The following CACNA1C variants were observed in gnomAD, a reference collection of about 807,000 sequenced individuals.
CACNA1C encodes voltage-dependent L-type calcium channel subunit alpha-1C.
A neutral mutation model predicts 229.0 loss-of-function variants in CACNA1C; 30 were observed. That is an observed-to-expected ratio of 0.13 (90% CI 0.10 to 0.18). The LOEUF is 0.18. Ranked by LOEUF, CACNA1C falls within the 10% of genes least tolerant of loss-of-function variation. CACNA1C has a pLI of 1.00. For missense variants in CACNA1C, 1,658 were observed against 2,845.0 expected (o/e 0.58, Z 9.49); for synonymous variants, 1,114 against 1,132.5 (o/e 0.98, Z 0.33).
At chr12:2,264,577 G>C (rs1455578298) in intron 3 of CACNA1C, among the ~76,000 whole-genome samples, 1 of 152,202 alleles carries the variant, frequency 6.6e-6, no homozygotes. Context: ...GTGGCTCAGA[G>C]ATGGCTGTGT....
At chr12:2,249,831 C>T (rs1317534151) in intron 3 of CACNA1C, among the ~76,000 whole-genome samples, 2 of 147,324 alleles carry the variant, frequency 1.4e-5, no homozygotes, top group African/African-American at 2.5e-5. Context: ...AGTGCAGTGG[C>T]GCGATCCTGG....
Position 2,412,909 on chromosome 12 carries a change from A to G in CACNA1C, c.478-36067A>G, listed in dbSNP as rs546827511. Among the ~76,000 whole-genome samples the G allele has an allele frequency of 9.2e-5, 14 of 152,364 alleles. 1 individual carries two copies. The South Asian group carries it at 2.7e-3, about 29-fold the overall frequency. On this transcript the variant is annotated intron_variant, in intron 3 of 46. Transcript: ENST00000399655. Reference sequence around the variant, plus strand: ...TGAGAAAAGACTCTGAAAAGCATGCAACTCTGTCCAAGCCTAACAATTCAA... The same window carrying G: ...TGAGAAAAGACTCTGAAAAGCATGCGACTCTGTCCAAGCCTAACAATTCAA...
intron 8 of CACNA1C, among the ~76,000 whole-genome samples, chr12:2,508,138 A>G (rs1568113928): frequency 6.6e-6 from 1 of 152,260 alleles, no homozygotes; most frequent in Non-Finnish European, 1.5e-5. Context: ...CAAAGCCACT[A>G]ACTGAATAGC....
intron 37 of CACNA1C, 76 bp from the exon 38 acceptor site, chr12:2,668,857 C>G (rs981734308): frequency 2.3e-5 from 22 of 936,990 alleles, no homozygotes; most frequent in Non-Finnish European, 1.8e-5. Flanking sequence ...CAAACCATAT[C>G]ACTCTGCCAC....
chr12:2,682,205 TA>T (rs1416379112), intron 42 of CACNA1C, among the ~76,000 whole-genome samples: 1 of 152,130 alleles, frequency 6.6e-6, no homozygotes, highest in African/African-American at 2.4e-5. Flanking sequence ...GCCTCTAAGT[TA>T]GGCAGGGCAT....
chr12:2,636,295 G>T (rs149448057), intron 30 of CACNA1C, among the ~76,000 whole-genome samples: 1 of 152,178 alleles, frequency 6.6e-6, no homozygotes, highest in Admixed American at 6.5e-5. Context: ...GGGTCCTATG[G>T]GTTCTTCCTA....
At chr12:2,394,861 G>A (rs528954170) in intron 3 of CACNA1C, among the ~76,000 whole-genome samples, 1 of 152,326 alleles carries the variant, frequency 6.6e-6, no homozygotes, top group African/African-American at 2.4e-5. Context: ...AACTTGGCCA[G>A]ATGTACCATA....
intron 3 of CACNA1C, among the ~76,000 whole-genome samples, chr12:2,232,227 GTTTTTTTTT>G (rs1169407536): frequency 1.6e-3 from 120 of 73,566 alleles, no homozygotes; most frequent in Non-Finnish European, 1.8e-3. Context: ...GTCTTTCCTT[GTTTTTTTTT>G]TTTTTTTTTT....
At chr12:2,186,543 G>A (rs2097017747) in intron 3 of CACNA1C, among the ~76,000 whole-genome samples, 1 of 152,132 alleles carries the variant, frequency 6.6e-6, no homozygotes, top group Admixed American at 6.5e-5. Context: ...AAAAACCCTG[G>A]GGGTCAGGGT....
At chr12:2,469,775 C>A (rs1379852739) in intron 5 of CACNA1C, among the ~76,000 whole-genome samples, 1 of 152,148 alleles carries the variant, frequency 6.6e-6, no homozygotes, top group African/African-American at 2.4e-5. Flanking sequence ...AACAGAAATA[C>A]TTTTAAAAAA....
chr12:2,565,231 G>T (rs2049837551), intron 11 of CACNA1C, among the ~76,000 whole-genome samples: 1 of 152,002 alleles, frequency 6.6e-6, no homozygotes, highest in African/African-American at 2.4e-5. Flanking sequence ...CACTTTGGGA[G>T]GCCGAGGCGG....
chr12:2,499,055 T>TC (rs1387562310), intron 7 of CACNA1C, among the ~76,000 whole-genome samples: 1 of 152,176 alleles, frequency 6.6e-6, no homozygotes, highest in East Asian at 1.9e-4. Flanking sequence ...TCTGAGGCAC[T>TC]CCCGGGTTTT....
chr12:2,542,922 A>G (rs1052727010), intron 9 of CACNA1C, among the ~76,000 whole-genome samples: 7 of 152,216 alleles, frequency 4.6e-5, no homozygotes, highest in African/African-American at 1.7e-4. Flanking sequence ...GTAGCCATTG[A>G]TGATATTACT....
At chr12:2,495,680 A>G (rs1050062784) in intron 7 of CACNA1C, among the ~76,000 whole-genome samples, 1 of 152,236 alleles carries the variant, frequency 6.6e-6, no homozygotes, top group Non-Finnish European at 1.5e-5. Context: ...GATAGTGCTC[A>G]GGCTGGGAAT....
Position 2,678,941 on chromosome 12 carries a change from T to C in CACNA1C, c.5092-503T>C, listed in dbSNP as rs1197194958. On this transcript the variant is annotated intron_variant, in intron 41 of 46. Transcript: ENST00000399655. The surrounding 1 kb of genome is among the most constrained non-coding windows in gnomAD (Gnocchi z 4.1). ...GGAAAAAGACCATCATGCAGGAAAT[T>C]CTTCATTTTCAAAACCGTTTGGCCA... Among the ~76,000 whole-genome samples the C allele has an allele frequency of 6.6e-6, 1 of 152,202 alleles. No homozygotes were observed. The highest frequency in any genetic ancestry group is 1.5e-5 in the Non-Finnish European group (1 of 68,040).
At chr12:2,178,936 C>A (rs2096749476) in intron 3 of CACNA1C, among the ~76,000 whole-genome samples, 1 of 152,152 alleles carries the variant, frequency 6.6e-6, no homozygotes, top group Non-Finnish European at 1.5e-5. Flanking sequence ...GTGACAGGCG[C>A]TTGCAGTCCC....
chr12:2,457,150 A>G (rs2099433687), intron 4 of CACNA1C, among the ~76,000 whole-genome samples: 1 of 152,232 alleles, frequency 6.6e-6, no homozygotes, highest in South Asian at 2.1e-4. Context: ...GGTATCTAGA[A>G]GGAAGGAGGT....
intron 3 of CACNA1C, among the ~76,000 whole-genome samples, chr12:2,372,441 C>T (rs880342): frequency 0.31 from 47,202 of 151,920 alleles, 8,299 homozygotes; most frequent in Admixed American, 0.43. Context: ...CAGGTTGACT[C>T]GTTGCACCTT....
chr12:2,690,812 A>AC, intron 46 of CACNA1C, 88 bp from the exon 47 acceptor site: 3 of 1,304,030 alleles, frequency 2.3e-6, no homozygotes, highest in Non-Finnish European at 3.1e-6. Context: ...CCTACCAGAT[A>AC]CCCCCTCGCT....
Sources: gnomAD v4.1 joint callset for allele counts (sites outside exome capture counted in the v4.1 genomes callset) on GRCh38, gnomAD v4.1.1 for gene constraint, Gnocchi (gnomAD v3.1) non-coding constraint, MANE v1.5 for transcripts, NCBI Gene and HGNC (gene_info 2026-07-23, HGNC 2026-07-21) for gene names.